The following ITGA8 variants were observed in gnomAD, a reference collection of about 807,000 sequenced individuals.
The protein encoded by ITGA8 is integrin subunit alpha 8.
In ITGA8, 91 loss-of-function variants were observed where a neutral mutation model predicts 142.3. That is an observed-to-expected ratio of 0.64 (90% confidence interval 0.54 to 0.76). ITGA8 has a LOEUF of 0.76. ITGA8 is among the 30% of genes least tolerant of loss of function. ITGA8 has a pLI of 0.00. For missense variants in ITGA8, 1,406 were observed against 1,327.7 expected (o/e 1.06, Z -0.92); for synonymous variants, 505 against 485.2 (o/e 1.04, Z -0.54).
At chr10:15,525,152 G>A (rs1452714586) in intron 28 of ITGA8, among the ~76,000 whole-genome samples, 4 of 151,950 alleles carry the variant, frequency 2.6e-5, no homozygotes, top group Non-Finnish European at 4.4e-5. Context: ...GGGACTACAG[G>A]GGTGTACCAC....
intron 13 of ITGA8, among the ~76,000 whole-genome samples, chr10:15,641,596 C>T (rs4748190): frequency 6.6e-6 from 1 of 152,006 alleles, no homozygotes; most frequent in African/African-American, 2.4e-5. Context: ...ACAGAATTGG[C>T]GCCAGAACCC....
chr10:15,680,879 T>G (rs992922003), intron 4 of ITGA8, among the ~76,000 whole-genome samples: 1 of 152,104 alleles, frequency 6.6e-6, no homozygotes, highest in African/African-American at 2.4e-5. Flanking sequence ...GCAAAGTCTT[T>G]TTTTTTTTCC....
At chr10:15,521,184 A>AT (rs139118535) in intron 28 of ITGA8, among the ~76,000 whole-genome samples, 26,138 of 147,114 alleles carry the variant, frequency 0.18, 2,893 homozygotes, top group African/African-American at 0.33. Context: ...ACACCCAGCT[A>AT]TTTTTTTTTT....
At chr10:15,533,893 C>T (rs891273320) in intron 27 of ITGA8, among the ~76,000 whole-genome samples, 1 of 151,134 alleles carries the variant, frequency 6.6e-6, no homozygotes, top group African/African-American at 2.5e-5. Flanking sequence ...CTCATATTTT[C>T]CATTCATCAC....
chr10:15,593,839 ATTTT>A (rs35907545), intron 21 of ITGA8, among the ~76,000 whole-genome samples: 13 of 137,304 alleles, frequency 9.5e-5, no homozygotes, highest in African/African-American at 2.0e-4. Flanking sequence ...CCCAGCAAAG[ATTTT>A]TTTTTTTTTT....
intron 27 of ITGA8, among the ~76,000 whole-genome samples, chr10:15,545,135 A>ACC (rs1833644016): frequency 6.6e-6 from 1 of 152,196 alleles, no homozygotes; most frequent in Non-Finnish European, 1.5e-5. Context: ...TTTGTTATGC[A>ACC]CCAATAGATA....
chr10:15,637,201 C>A (rs548683869), intron 13 of ITGA8, among the ~76,000 whole-genome samples: 4 of 152,262 alleles, frequency 2.6e-5, no homozygotes, highest in African/African-American at 9.6e-5. Flanking sequence ...TGCAGTTTTT[C>A]AAAATCTTAT....
chr10:15,546,296 A>G (rs1833666749), intron 27 of ITGA8, among the ~76,000 whole-genome samples: 1 of 152,188 alleles, frequency 6.6e-6, no homozygotes, highest in African/African-American at 2.4e-5. Flanking sequence ...GGCAGGTGCT[A>G]TGTCTGTTGT....
intron 4 of ITGA8, among the ~76,000 whole-genome samples, chr10:15,680,144 C>T (rs376578443): frequency 2.0e-5 from 3 of 151,054 alleles, no homozygotes; most frequent in African/African-American, 7.3e-5. Context: ...GAATGTCTTC[C>T]GGTTTTTTCT....
rs926427278 is a variant in ITGA8, at chr10:15,516,299, A to G, written c.*859T>C. 2.0e-5 allele frequency: 3 copies of G among 152,248 alleles called. No individual in the cohort carries two copies. The highest frequency in any genetic ancestry group is 7.2e-5 in the African/African-American group (3 of 41,466). The allele number at this position is 152,248 out of a possible 1,614,324, so 9.4% of individuals were successfully genotyped here. On this transcript the variant is annotated 3_prime_UTR_variant, in exon 30 of 30. Transcript: ENST00000378076. The stretch of plus-strand genomic sequence containing the variant: ...TATAAATGCAACATCTTGCAAAGCT[A>G]AATTAAGCAGATGTGAGTCCCTGGA...
intron 10 of ITGA8, among the ~76,000 whole-genome samples, chr10:15,655,712 C>A (rs987545121): frequency 3.9e-5 from 6 of 152,170 alleles, no homozygotes; most frequent in Admixed American, 1.3e-4. Flanking sequence ...TCCATAACTT[C>A]TAGCACTTAA....
At chr10:15,677,300 A>G (rs570026603) in intron 6 of ITGA8, among the ~76,000 whole-genome samples, 1 of 152,348 alleles carries the variant, frequency 6.6e-6, no homozygotes, top group African/African-American at 2.4e-5. Flanking sequence ...AAATGTTCCC[A>G]ACACAAATGA....
chr10:15,596,525 T>C (rs1179387152), intron 21 of ITGA8: 1 of 152,314 alleles, frequency 6.6e-6, no homozygotes, highest in African/African-American at 2.4e-5. Flanking sequence ...TACTTGCCAT[T>C]GAAATATTTA....
At chr10:15,598,515 G>A (rs936225468) in intron 20 of ITGA8, among the ~76,000 whole-genome samples, 6 of 152,130 alleles carry the variant, frequency 3.9e-5, no homozygotes, top group Admixed American at 3.9e-4. Flanking sequence ...AATTCTGTAG[G>A]TAAACCACAC....
At chr10:15,664,573 T>A (rs971271050) in intron 8 of ITGA8, among the ~76,000 whole-genome samples, 1 of 151,896 alleles carries the variant, frequency 6.6e-6, no homozygotes, top group African/African-American at 2.4e-5. Flanking sequence ...TGTGCAGGTT[T>A]GTTACATATG....
intron 23 of ITGA8, among the ~76,000 whole-genome samples, chr10:15,585,937 G>A (rs1832820279): frequency 6.6e-6 from 1 of 151,816 alleles, no homozygotes; most frequent in African/African-American, 2.4e-5. Flanking sequence ...AATAATTATT[G>A]GAGAATTGAG....
chr10:15,576,055 G>A (rs918288181), intron 23 of ITGA8, among the ~76,000 whole-genome samples: 1 of 151,998 alleles, frequency 6.6e-6, no homozygotes, highest in Non-Finnish European at 1.5e-5. Flanking sequence ...AAAAAGTCTA[G>A]GATGCCGTGT....
chr10:15,599,919 T>G (rs1474799085), intron 20 of ITGA8, among the ~76,000 whole-genome samples: 1 of 151,944 alleles, frequency 6.6e-6, no homozygotes, highest in Non-Finnish European at 1.5e-5. Context: ...AGACACCATC[T>G]CAAAAAAACA....
chr10:15,568,587 A>AT (rs1834119130), intron 25 of ITGA8, among the ~76,000 whole-genome samples: 1 of 152,184 alleles, frequency 6.6e-6, no homozygotes, highest in South Asian at 2.1e-4. Flanking sequence ...TTTGGAGTGC[A>AT]TATCCAGGTT....
Sources: allele counts gnomAD v4.1 joint callset (sites outside exome capture counted in the v4.1 genomes callset), GRCh38; gene constraint gnomAD v4.1.1; transcripts MANE v1.5; gene names NCBI Gene and HGNC (gene_info 2026-07-23, HGNC 2026-07-21).